Variants in LIG4 observed in about 807,000 individuals in gnomAD.
LIG4 encodes DNA ligase 4, also known as DNA joinase.
Under a neutral mutation model 19.0 loss-of-function variants are expected in LIG4, and 13 were observed. The ratio of observed to expected loss-of-function variants is 0.68; its 90% CI spans 0.44 to 1.09. The LOEUF (loss-of-function observed/expected upper bound fraction) is 1.09, where lower values mean the gene tolerates loss of function less well. Among genes scored for constraint, LIG4 ranks in the 50% least tolerant of loss-of-function variants. The pLI is 0.00. For missense variants in LIG4, 1,026 were observed against 1,089.7 expected (o/e 0.94, Z 0.82); for synonymous variants, 361 against 358.2 (o/e 1.01, Z -0.09).
Position 108,210,578 on chromosome 13 carries a change from G to A in LIG4, c.691C>T (p.Pro231Ser), listed in dbSNP as rs3093765. The change falls in exon 3 of 3, where the codon CCT (proline) becomes TCT (serine). Residue 231 changes from proline (P) to serine (S), a missense_variant. Physicochemically the swap from Pro to Ser is moderately conservative, Grantham distance 74 (BLOSUM62 -1). Around this residue, in one of 3 missense-constraint regions of LIG4, gnomAD observed 493 missense variants for 544.5 expected, o/e 0.91. Transcript: ENST00000442234. ...LEKVCRQLHD[P>S]SVGLSDISIT... The stretch of plus-strand genomic sequence containing the variant: ...GAAATATCACTGAGTCCTACAGAAG[G>A]ATCATGCAGTTGCCTACAGACTTTT... 7.5e-5 allele frequency: 121 copies of A among 1,613,044 alleles called. No homozygotes were observed. In the African/African-American group the frequency reaches 1.4e-3, roughly 19 times the overall value.
rs104894419 is a variant in LIG4 at position 108,208,829 on chromosome 13, G to A, written c.2440C>T (p.Arg814Ter). 1.5e-4 allele frequency: 235 copies of A among 1,614,028 alleles called. No homozygotes were observed. Among genetic ancestry groups the A allele is most frequent in the Non-Finnish European group, 1.9e-4 (222 of 1,180,006 alleles). ...SWDCSPLSMF[R>*]RHTVYLDSYA... is the part of the protein sequence containing the mutation. ...GAGTCCAAATAAACGGTGTGGCGTC[G>A]AAACATACTGAGAGGAGAGCAATCC... Residue 814 changes from arginine (R) to a stop codon, truncating the protein, a stop_gained, in exon 3 of 3, where the codon CGA becomes TGA. Coordinates refer to ENST00000442234, the MANE Select transcript of LIG4 (RefSeq NM_206937.2). LOFTEE classifies it low-confidence loss of function (END_TRUNC).
rs1474229491 is a variant in LIG4, at chr13:108,208,655, C to G, written c.2614G>C (p.Val872Leu). 1 of 1,613,990 alleles carries G rather than the reference C, an allele frequency of 6.2e-7. No homozygotes were observed. Among genetic ancestry groups the G allele is most frequent in the Non-Finnish European group, 8.5e-7 (1 of 1,179,890 alleles). ...CTTCTAAAAGCTTTAAAATCTGCAA[C>G]ACGACTATGATCTTCCCCAATTATT... ...HVIIGEDHSR[V>L]ADFKAFRRTF... Residue 872 changes from valine to leucine, a missense_variant, in exon 3 of 3, where the codon GTT becomes CTT. Around this residue, in one of 3 missense-constraint regions of LIG4, gnomAD observed 521 missense variants for 515.5 expected, o/e 1.01. Coordinates refer to ENST00000442234, the MANE Select transcript of LIG4 (RefSeq NM_206937.2).
At position 108,209,843 on chromosome 13, in the gene LIG4, G is replaced by T. The variant is rs747450004; in HGVS notation, c.1426C>A (p.Arg476=). Residue 476 remains arginine, a synonymous_variant, in exon 3 of 3, where the codon CGG becomes AGG. Transcript: ENST00000442234. Reference sequence around the variant, plus strand: ...AGAAAATGAGACATCATTCCACCCCGTGATCCTTTACCCCAATATCCTCCA... The same window carrying T: ...AGAAAATGAGACATCATTCCACCCCTTGATCCTTTACCCCAATATCCTCCA... ...IVGGYWGKGS[R]GGMMSHFLCA... 3.7e-6 allele frequency: 6 copies of T among 1,613,918 alleles called. No individual in the cohort carries two copies. Among genetic ancestry groups the T allele is most frequent in the African/African-American group, 2.7e-5 (2 of 74,906 alleles).
Position 108,207,948 on chromosome 13 carries a change from C to T in LIG4, c.*585G>A, listed in dbSNP as rs1878091617. The T allele has an allele frequency of 6.6e-6, 1 of 151,878 alleles. No individual in the cohort carries two copies. The highest frequency in any genetic ancestry group is 6.5e-5 in the Admixed American group (1 of 15,274). 9.4% of individuals were successfully genotyped at this position (151,878 alleles called of 1,614,324 possible). On this transcript the variant is annotated 3_prime_UTR_variant, in exon 3 of 3. Transcript: ENST00000442234. ...TAGATCATTAAGTCTCATACAACTT[C>T]CTCTAATTTAGCTAAAACCATCGAC...
At chr13:108,217,964 A>T (rs566410427), upstream of LIG4, among the ~76,000 whole-genome samples, 1 of 152,304 alleles carries the variant, frequency 6.6e-6, no homozygotes, top group East Asian at 1.9e-4. Context: ...CAAAAATAAG[A>T]CAATTTTACA....
Position 108,208,845 on chromosome 13 carries a change from A to G in LIG4, c.2424T>C (p.Ser808=), listed in dbSNP as rs760459358. The G allele has an allele frequency of 2.5e-6, 4 of 1,614,158 alleles. No homozygotes were observed. Among genetic ancestry groups the G allele is most frequent in the South Asian group, 2.2e-5 (2 of 91,078 alleles). The change falls in exon 3 of 3, where the codon TCT becomes TCC. Residue 808 remains serine (S), a synonymous_variant. Transcript: ENST00000442234. ...DLEYRYSWDC[S]PLSMFRRHTV... is the part of the protein sequence containing the mutation. ...TGTGGCGTCGAAACATACTGAGAGGAGAGCAATCCCAGGAATACCGATATT... is the reference window on the plus strand; with the variant it reads ...TGTGGCGTCGAAACATACTGAGAGGGGAGCAATCCCAGGAATACCGATATT...
In LIG4 at chr13:108,208,705, C is replaced by G. The variant is rs1878193951; in HGVS notation, c.2564G>C (p.Cys855Ser). Reference protein sequence around the residue: ...LRFHGAKVVSCLAEGVSHVII... With the variant: ...LRFHGAKVVSSLAEGVSHVII... ...TACATGAGACACTCCCTCAGCTAAACAAGAAACTACTTTTGCTCCATGAAA... is the reference window on the plus strand; with the variant it reads ...TACATGAGACACTCCCTCAGCTAAAGAAGAAACTACTTTTGCTCCATGAAA... The change falls in exon 3 of 3, where the codon TGT becomes TCT. Residue 855 changes from cysteine to serine, a missense_variant. Coordinates refer to ENST00000442234, the MANE Select transcript of LIG4 (RefSeq NM_206937.2). 6.2e-7 allele frequency: 1 copy of G among 1,614,058 alleles called. No individual in the cohort carries two copies.
Position 108,210,360 on chromosome 13 carries a change from A to C in LIG4, c.909T>G (p.Gly303=). The part of the protein sequence containing the change: ...RNGYNYTDQF[G]ASPTEGSLTP... ...TAAGAGAACCTTCAGTAGGAGAAGCACCAAACTGATCAGTGTAGTTATATC... is the reference window on the plus strand; with the variant it reads ...TAAGAGAACCTTCAGTAGGAGAAGCCCCAAACTGATCAGTGTAGTTATATC... The change falls in exon 3 of 3, where the codon GGT becomes GGG. Residue 303 remains glycine (G), a synonymous_variant. Coordinates refer to ENST00000442234, the MANE Select transcript of LIG4 (RefSeq NM_206937.2). The C allele has an allele frequency of 6.2e-7, 1 of 1,613,944 alleles. No homozygotes were observed. Among genetic ancestry groups the C allele is most frequent in the Non-Finnish European group, 8.5e-7 (1 of 1,179,932 alleles).
intron 2 of LIG4, among the ~76,000 whole-genome samples, chr13:108,211,600 T>A (rs181662367): frequency 6.6e-6 from 1 of 152,212 alleles, no homozygotes; most frequent in East Asian, 1.9e-4. Flanking sequence ...GTATTAATTA[T>A]TTAGCACATA....
rs534543979 is a variant in LIG4 at position 108,208,817 on chromosome 13, C to T, written c.2452G>A (p.Val818Ile). 22 of 1,614,074 alleles carry T rather than the reference C, an allele frequency of 1.4e-5. No homozygotes were observed. Among genetic ancestry groups the T allele is most frequent in the African/African-American group, 4.0e-5 (3 of 75,010 alleles). ...SPLSMFRRHT[V>I]YLDSYAVIND... ...ATAACAGCATACGAGTCCAAATAAA[C>T]GGTGTGGCGTCGAAACATACTGAGA... Residue 818 changes from valine (V) to isoleucine (I), a missense_variant, in exon 3 of 3, where the codon GTT (valine) becomes ATT (isoleucine). By Grantham distance (29) the Val-to-Ile change is conservative (BLOSUM62 3). Transcript: ENST00000442234.
Position 108,208,595 on chromosome 13 carries a change from T to G in LIG4, c.2674A>C (p.Ser892Arg), listed in dbSNP as rs1433134437. The G allele has an allele frequency of 6.2e-7, 1 of 1,613,272 alleles. No homozygotes were observed. Reference protein sequence around the residue: ...FKRKFKILKESWVTDSIDKCE... With the variant: ...FKRKFKILKERWVTDSIDKCE... ...TTGTCTATTGAATCAGTTACCCAAC[T>G]TTCTTTTAGGATTTTAAACTTTCTC... Residue 892 changes from serine to arginine, a missense_variant, in exon 3 of 3, where the codon AGT becomes CGT. By Grantham distance (110) the Ser-to-Arg change is moderately radical. This residue lies in a region of LIG4 where 521 missense variants were observed against 515.5 expected (regional missense o/e 1.01). Transcript: ENST00000442234.
chr13:108,208,791 A>G lies in LIG4; in HGVS notation c.2478T>C (p.Ile826=). The part of the protein sequence containing the change: ...HTVYLDSYAV[I]NDLSTKNEGT... ...CCTCATTTTTGGTACTCAGGTCATT[A>G]ATAACAGCATACGAGTCCAAATAAA... Residue 826 remains isoleucine, a synonymous_variant, in exon 3 of 3, where the codon ATT becomes ATC. Coordinates refer to ENST00000442234, the MANE Select transcript of LIG4 (RefSeq NM_206937.2). 1 of 1,614,170 alleles carries G rather than the reference A, an allele frequency of 6.2e-7. No individual in the cohort carries two copies. Among genetic ancestry groups the G allele is most frequent in the Non-Finnish European group, 8.5e-7 (1 of 1,180,014 alleles).
rs764081806 is a variant in LIG4 at position 108,209,901 on chromosome 13, A to G, written c.1368T>C (p.Ser456=). The change falls in exon 3 of 3, where the codon AGT becomes AGC. Residue 456 remains serine (S), a synonymous_variant. Transcript: ENST00000442234. Reference sequence around the variant, plus strand: ...AAATGTCCAATTCATCCATTAGTCCACTGACATACTCTGGTTTAATTTTTA... The same window carrying G: ...AAATGTCCAATTCATCCATTAGTCCGCTGACATACTCTGGTTTAATTTTTA... ...GWLKIKPEYV[S]GLMDELDILI... The G allele has an allele frequency of 5.6e-6, 9 of 1,614,094 alleles. No homozygotes were observed. The South Asian group carries it at 7.7e-5, about 14-fold the overall frequency.
chr13:108,214,385 G>C (rs1878992298), intron 2 of LIG4, among the ~76,000 whole-genome samples, 153 bp downstream of exon 2: 1 of 152,162 alleles, frequency 6.6e-6, no homozygotes, highest in Non-Finnish European at 1.5e-5. Context: ...TGTAAGAAGA[G>C]AAATAAAGTA....
rs954157595 is a variant in LIG4, at chr13:108,210,594, A to G, written c.675T>C (p.Cys225=). The G allele has an allele frequency of 2.5e-6, 4 of 1,613,328 alleles. No individual in the cohort carries two copies. In the African/African-American group the frequency reaches 4.0e-5, roughly 16 times the overall value. Residue 225 remains cysteine, a synonymous_variant, in exon 3 of 3, where the codon TGT becomes TGC. Transcript: ENST00000442234. ...CTACAGAAGGATCATGCAGTTGCCTACAGACTTTTTCCAGATCTGTAGTGA... is the reference window on the plus strand; with the variant it reads ...CTACAGAAGGATCATGCAGTTGCCTGCAGACTTTTTCCAGATCTGTAGTGA... The part of the protein sequence containing the change: ...HNVTTDLEKV[C]RQLHDPSVGL...
At position 108,210,986 on chromosome 13, in the gene LIG4, C is replaced by T. The variant is rs1878597472; in HGVS notation, c.283G>A (p.Glu95Lys). The change falls in exon 3 of 3, where the codon GAG becomes AAG. Residue 95 changes from glutamate to lysine, a missense_variant. By Grantham distance (56) the Glu-to-Lys change is moderately conservative (BLOSUM62 1). Around this residue, in one of 3 missense-constraint regions of LIG4, gnomAD observed 493 missense variants for 544.5 expected, o/e 0.91. Transcript: ENST00000442234. ...CCATCTCTAGGTAAATTAAGCAACT[C>T]AATATAAAGCTTAGCAAGCATAGTT... The part of the protein sequence containing the change: ...KETMLAKLYI[E>K]LLNLPRDGKD... The T allele has an allele frequency of 9.3e-6, 15 of 1,609,690 alleles. No individual in the cohort carries two copies. Among genetic ancestry groups the T allele is most frequent in the Non-Finnish European group, 1.3e-5 (15 of 1,179,002 alleles).
At chr13:108,217,937 T>G (rs998141112), upstream of LIG4, among the ~76,000 whole-genome samples, 3 of 152,154 alleles carry the variant, frequency 2.0e-5, no homozygotes, top group East Asian at 5.8e-4. Flanking sequence ...CATGGTCGTG[T>G]ACCTCGGTAA....
intron 1 of LIG4, 67 bp downstream of exon 1, chr13:108,215,417 A>ACC: frequency 9.6e-3 from 1 of 104 alleles, no homozygotes; most frequent in African/African-American, 0.028. Flanking sequence ...GCCACCCCCC[A>ACC]CCCCCCCCAC....
chr13:108,213,894 T>C (rs1288006635), intron 2 of LIG4, among the ~76,000 whole-genome samples: 1 of 152,212 alleles, frequency 6.6e-6, no homozygotes, highest in Non-Finnish European at 1.5e-5. Flanking sequence ...TTGATAATTT[T>C]AATACTATAA....
Sources: gnomAD v4.1 joint callset for allele counts (sites outside exome capture counted in the v4.1 genomes callset) on GRCh38, gnomAD v4.1.1 for gene constraint, gnomAD v4.1.1 regional missense constraint, MANE v1.5 for transcripts, NCBI Gene and HGNC (gene_info 2026-07-23, HGNC 2026-07-21) for gene names.